The following ADK variants were observed in gnomAD, a reference collection of about 807,000 sequenced individuals.
The protein encoded by ADK is adenosine kinase, also known as N6,N6-dimethyladenosine kinase.
In ADK, 24 loss-of-function variants were observed where a neutral mutation model predicts 44.7. The ratio of observed to expected loss-of-function variants is 0.54; its 90% CI spans 0.39 to 0.76. The LOEUF (loss-of-function observed/expected upper bound fraction) is 0.76. Among genes scored for constraint, ADK ranks in the 30% least tolerant of loss-of-function variants. The pLI is 0.00. For synonymous variants in ADK, 128 were observed against 142.6 expected, an observed-to-expected ratio of 0.90 and a Z score of 0.73; for missense variants, 321 against 425.1, an observed-to-expected ratio of 0.76 and a Z score of 2.15.
chr10:74,273,768 T>C (rs1463771489), intron 3 of ADK, among the ~76,000 whole-genome samples: 2 of 152,186 alleles, frequency 1.3e-5, no homozygotes, highest in Non-Finnish European at 2.9e-5. Context: ...TCTCCCCGAA[T>C]TTCTTTCACA....
intron 3 of ADK, among the ~76,000 whole-genome samples, chr10:74,294,103 T>G (rs956319439): frequency 6.6e-6 from 1 of 152,210 alleles, no homozygotes; most frequent in Admixed American, 6.5e-5. Flanking sequence ...ATAGCAGTGC[T>G]TTTGTTCATT....
At chr10:74,601,562 A>G (rs12251845) in intron 9 of ADK, among the ~76,000 whole-genome samples, 5,410 of 152,216 alleles carry the variant, frequency 0.036, 347 homozygotes, top group African/African-American at 0.12. Context: ...GTGAGGGTAT[A>G]AATGAAATGA....
chr10:74,462,556 A>G (rs1351787174), intron 6 of ADK, among the ~76,000 whole-genome samples: 6 of 152,214 alleles, frequency 3.9e-5, no homozygotes, highest in Admixed American at 3.9e-4. Context: ...TAAAATCCAT[A>G]GAATTTTTGT....
chr10:74,287,389 A>G (rs1034585964), intron 3 of ADK, among the ~76,000 whole-genome samples: 4 of 151,852 alleles, frequency 2.6e-5, no homozygotes, highest in Admixed American at 2.6e-4. Flanking sequence ...ACTTGAACCC[A>G]GGAGGCGGAG....
intron 2 of ADK, among the ~76,000 whole-genome samples, chr10:74,219,585 C>T (rs980706621): frequency 2.0e-5 from 3 of 152,088 alleles, no homozygotes; most frequent in African/African-American, 7.2e-5. Flanking sequence ...AGCACCACAC[C>T]ACACCTATTC....
At chr10:74,325,750 A>G (rs1434391123) in intron 4 of ADK, among the ~76,000 whole-genome samples, 1 of 152,152 alleles carries the variant, frequency 6.6e-6, no homozygotes, top group Non-Finnish European at 1.5e-5. Context: ...TTTTTCCTGC[A>G]TTTAATGTGA....
chr10:74,381,384 T>G lies in ADK; in HGVS notation c.274-12757T>G, dbSNP rs74146348. ...GACAATAGAAAATGACCTGCCACTT[T>G]ATAGATTCCTTTGCCTTAAATGCTT... On this transcript the variant is annotated intron_variant, in intron 4 of 10. Coordinates refer to ENST00000539909, the MANE Select transcript of ADK (RefSeq NM_006721.4). Among the ~76,000 whole-genome samples, 281 of 152,348 alleles carry G rather than the reference T, an allele frequency of 1.8e-3. 1 individual carries two copies. Among genetic ancestry groups the G allele is most frequent in the African/African-American group, 6.2e-3 (256 of 41,576 alleles).
At chr10:74,353,386 A>G (rs1034154092) in intron 4 of ADK, among the ~76,000 whole-genome samples, 3 of 152,068 alleles carry the variant, frequency 2.0e-5, no homozygotes, top group Non-Finnish European at 2.9e-5. Flanking sequence ...GGAATGGAGC[A>G]TAACATACCT....
At chr10:74,389,813 A>G (rs1166147016) in intron 4 of ADK, among the ~76,000 whole-genome samples, 1 of 152,148 alleles carries the variant, frequency 6.6e-6, no homozygotes, top group African/African-American at 2.4e-5. Flanking sequence ...TTCAAATAAT[A>G]TTTATTTGTA....
chr10:74,623,720 CAT>C (rs149098919), intron 9 of ADK, among the ~76,000 whole-genome samples: 2,657 of 148,094 alleles, frequency 0.018, 64 homozygotes, highest in African/African-American at 0.061. Flanking sequence ...GTATTCTAGG[CAT>C]ATATATATAT....
intron 3 of ADK, among the ~76,000 whole-genome samples, chr10:74,283,470 G>A (rs544536003): frequency 4.0e-5 from 6 of 149,086 alleles, no homozygotes; most frequent in African/African-American, 1.5e-4. Flanking sequence ...CAATTTGTGT[G>A]CCTTGCTTCT....
chr10:74,632,633 C>A (rs1323171732), intron 9 of ADK, among the ~76,000 whole-genome samples: 1 of 151,948 alleles, frequency 6.6e-6, no homozygotes, highest in East Asian at 1.9e-4. Flanking sequence ...TTAAAGACAC[C>A]AATAATTGGA....
chr10:74,240,135 C>T (rs560753514), intron 3 of ADK, among the ~76,000 whole-genome samples: 1 of 152,208 alleles, frequency 6.6e-6, no homozygotes, highest in East Asian at 1.9e-4. Context: ...GTCCATCAGC[C>T]TCCCAAGTAG....
intron 1 of ADK, among the ~76,000 whole-genome samples, chr10:74,189,866 G>C (rs1842899299): frequency 6.6e-6 from 1 of 151,308 alleles, no homozygotes; most frequent in Non-Finnish European, 1.5e-5. Context: ...TTTGTAGCTG[G>C]CTTTTTTTTT....
At chr10:74,483,579 T>C (rs1234694848) in intron 6 of ADK, among the ~76,000 whole-genome samples, 1 of 152,210 alleles carries the variant, frequency 6.6e-6, no homozygotes, top group African/African-American at 2.4e-5. Context: ...TTCCAAACTT[T>C]CCAAATTCTG....
At chr10:74,567,458 G>C (rs1850711956) in intron 7 of ADK, among the ~76,000 whole-genome samples, 1 of 152,082 alleles carries the variant, frequency 6.6e-6, no homozygotes, top group African/African-American at 2.4e-5. Context: ...ACCCATTGCA[G>C]ACTAAATCTG....
At position 74,371,419 on chromosome 10, in the gene ADK, A is replaced by C. The variant is rs148820825; in HGVS notation, c.274-22722A>C. 3.5e-4 allele frequency: 212 copies of C among 600,240 alleles called. 1 individual carries two copies. The highest frequency in any genetic ancestry group is 3.4e-3 in the African/African-American group (186 of 53,984). 37.2% of individuals were successfully genotyped at this position (600,240 alleles called of 1,614,324 possible). On this transcript the variant is annotated intron_variant, in intron 4 of 10. Transcript: ENST00000539909. Reference sequence around the variant, plus strand: ...TCTTATATACCAAACAAAAATCTTAAGCAGTCCCCTACAGATCTATTAGAA... The same window carrying C: ...TCTTATATACCAAACAAAAATCTTACGCAGTCCCCTACAGATCTATTAGAA...
chr10:74,472,314 C>T (rs1846623138), intron 6 of ADK, among the ~76,000 whole-genome samples: 1 of 152,054 alleles, frequency 6.6e-6, no homozygotes, highest in Admixed American at 6.6e-5. Flanking sequence ...CATATACAGT[C>T]TTTATTGGGT....
At chr10:74,451,115 A>G (rs1871087) in intron 6 of ADK, among the ~76,000 whole-genome samples, 78,769 of 122,116 alleles carry the variant, frequency 0.65, 26,134 homozygotes, top group Middle Eastern at 0.82. Context: ...ATTTGGCCTG[A>G]GATTCTATGA....
Sources: gnomAD v4.1 joint callset for allele counts (sites outside exome capture counted in the v4.1 genomes callset) on GRCh38, gnomAD v4.1.1 for gene constraint, MANE v1.5 for transcripts, NCBI Gene and HGNC (gene_info 2026-07-23, HGNC 2026-07-21) for gene names.